HELZ: variants seen among roughly 807,000 people sequenced by gnomAD.
HELZ encodes the protein helicase with zinc finger.
Under a neutral mutation model 218.2 loss-of-function variants are expected in HELZ, and 23 were observed. The ratio of observed to expected loss-of-function variants is 0.11; its 90% CI spans 0.08 to 0.15. The LOEUF is 0.15. Among genes scored for constraint, HELZ ranks in the 10% least tolerant of loss-of-function variants. HELZ has a pLI of 1.00. For synonymous variants in HELZ, 814 were observed against 829.4 expected (o/e 0.98, Z 0.32); for missense variants, 1,813 against 2,353.7 (o/e 0.77, Z 4.75).
intron 5 of HELZ, among the ~76,000 whole-genome samples, chr17:67,206,126 A>G (rs144891095): frequency 5.6e-4 from 86 of 152,370 alleles, no homozygotes; most frequent in Admixed American, 3.4e-3. Flanking sequence ...TTGCCAAAAG[A>G]CATGACATTA....
At position 67,136,202 on chromosome 17, in the gene HELZ, C is replaced by G. The variant is rs2038144389; in HGVS notation, c.2954-4G>C. On this transcript the variant is annotated splice_polypyrimidine_tract_variant and splice_region_variant and intron_variant, in intron 22 of 32. Transcript: ENST00000358691. ...AACAAAACTCTGAATTGCTTTCCTACAAAGAAAATTTTTTAAGAAAAGACT... is the reference window on the plus strand; with the variant it reads ...AACAAAACTCTGAATTGCTTTCCTAGAAAGAAAATTTTTTAAGAAAAGACT... 1 of 1,588,198 alleles carries G rather than the reference C, an allele frequency of 6.3e-7. No individual in the cohort carries two copies. The highest frequency in any genetic ancestry group is 1.8e-5 in the Admixed American group (1 of 56,290).
intron 3 of HELZ, among the ~76,000 whole-genome samples, chr17:67,220,757 G>C (rs1250552610): frequency 6.6e-6 from 1 of 151,648 alleles, no homozygotes; most frequent in East Asian, 1.9e-4. Context: ...CAACCAAAGT[G>C]CTAGGATTAC....
chr17:67,213,973 G>A (rs978891323), intron 5 of HELZ, among the ~76,000 whole-genome samples: 4 of 152,144 alleles, frequency 2.6e-5, no homozygotes, highest in Non-Finnish European at 5.9e-5. Flanking sequence ...CGTATTATAA[G>A]CACTTATGTT....
intron 17 of HELZ, among the ~76,000 whole-genome samples, chr17:67,157,387 TAAG>T (rs2038875056): frequency 6.6e-6 from 1 of 152,218 alleles, no homozygotes; most frequent in African/African-American, 2.4e-5. Context: ...TTGAAGCTAG[TAAG>T]AATACAAAGC....
At chr17:67,171,040 T>G (rs914473955) in intron 13 of HELZ, among the ~76,000 whole-genome samples, 3 of 127,588 alleles carry the variant, frequency 2.4e-5, no homozygotes, top group African/African-American at 4.5e-5. Context: ...ATGTACAGTT[T>G]TTTTTTTTTT....
intron 27 of HELZ, among the ~76,000 whole-genome samples, chr17:67,119,187 G>A (rs1221111928): frequency 6.6e-6 from 1 of 152,056 alleles, no homozygotes; most frequent in Non-Finnish European, 1.5e-5. Flanking sequence ...ATAAAAACAT[G>A]TTCACATGTA....
chr17:67,134,852 C>A (rs1297756205), intron 23 of HELZ, among the ~76,000 whole-genome samples: 1 of 152,126 alleles, frequency 6.6e-6, no homozygotes. Flanking sequence ...TCAGGACTAC[C>A]TACATCTCTT....
chr17:67,200,089 T>A (rs748793798), intron 7 of HELZ, among the ~76,000 whole-genome samples: 18 of 152,192 alleles, frequency 1.2e-4, no homozygotes, highest in Non-Finnish European at 2.4e-4. Context: ...CAGTGCTGTA[T>A]CCCCAGCAAC....
At chr17:67,138,980 A>C (rs1261236923) in intron 21 of HELZ, among the ~76,000 whole-genome samples, 1 of 152,152 alleles carries the variant, frequency 6.6e-6, no homozygotes, top group Non-Finnish European at 1.5e-5. Context: ...AAAATATATA[A>C]GGCAAGCACA....
intron 31 of HELZ, among the ~76,000 whole-genome samples, chr17:67,097,741 C>T (rs2036793690): frequency 6.6e-6 from 1 of 151,942 alleles, no homozygotes; most frequent in African/African-American, 2.4e-5. Flanking sequence ...CACAACAGCT[C>T]TTACAATGAG....
chr17:67,171,478 C>T (rs1374241271), intron 13 of HELZ, among the ~76,000 whole-genome samples: 1 of 152,204 alleles, frequency 6.6e-6, no homozygotes, highest in African/African-American at 2.4e-5. Flanking sequence ...TCACACATCA[C>T]AGAATCACTG....
intron 20 of HELZ, among the ~76,000 whole-genome samples, chr17:67,146,978 C>T (rs2038517619): frequency 6.6e-6 from 1 of 152,056 alleles, no homozygotes; most frequent in African/African-American, 2.4e-5. Context: ...AGATATATAC[C>T]TTTATAGATG....
chr17:67,098,312 C>T lies in HELZ; in HGVS notation c.5241+8857G>A, dbSNP rs145362052. On this transcript the variant is annotated intron_variant, in intron 31 of 32. Coordinates refer to ENST00000358691, the MANE Select transcript of HELZ (RefSeq NM_014877.4). Reference sequence around the variant, plus strand: ...CAAGTCCTTTAATATCTTTGTGCCTCGGTTTCCTTTTAAAAGGGGGGAGTT... The same window carrying T: ...CAAGTCCTTTAATATCTTTGTGCCTTGGTTTCCTTTTAAAAGGGGGGAGTT... Among the ~76,000 whole-genome samples, 70 of 152,286 alleles carry T rather than the reference C, an allele frequency of 4.6e-4. 1 individual carries two copies. In the East Asian group the frequency reaches 0.013, roughly 27 times the overall value.
chr17:67,101,988 T>C (rs537482092), intron 31 of HELZ, among the ~76,000 whole-genome samples: 7 of 152,268 alleles, frequency 4.6e-5, no homozygotes, highest in South Asian at 2.1e-4. Context: ...CCATCACACC[T>C]GTAAGGACCG....
At position 67,136,546 on chromosome 17, in the gene HELZ, C is replaced by G. The variant is rs566921507; in HGVS notation, c.2954-348G>C. Among the ~76,000 whole-genome samples the G allele has an allele frequency of 3.9e-5, 6 of 152,260 alleles. No homozygotes were observed. The East Asian group carries it at 1.2e-3, about 29-fold the overall frequency. On this transcript the variant is annotated intron_variant, in intron 22 of 32. Transcript: ENST00000358691. ...CAATAGCCAAAAGGTGGAAGCAACA[C>G]GAGTATCCCTGGACAGAGGAATGGA...
intron 13 of HELZ, among the ~76,000 whole-genome samples, chr17:67,168,824 G>A (rs1178738422): frequency 2.6e-5 from 4 of 152,170 alleles, no homozygotes; most frequent in Non-Finnish European, 5.9e-5. Context: ...GGACATGGTG[G>A]CTCACGCCTG....
rs376897741 is a variant in HELZ at position 67,107,421 on chromosome 17, C to T, written c.4989G>A (p.Ser1663=). ...GAGGGGCAAGGTGTTCAGATGGCAA[C>T]GAGAAAGGTGAGTTGAATATCTGGG... is the stretch of plus-strand genomic sequence containing the variant. ...LPPQIFNSPF[S]LPSEHLAPPP... is the part of the protein sequence containing the mutation. The change falls in exon 31 of 33, where the codon TCG becomes TCA. Residue 1663 remains serine, a synonymous_variant. Coordinates refer to ENST00000358691, the MANE Select transcript of HELZ (RefSeq NM_014877.4). 1.8e-5 allele frequency: 29 copies of T among 1,613,904 alleles called. No individual in the cohort carries two copies. Among genetic ancestry groups the T allele is most frequent in the South Asian group, 2.2e-5 (2 of 91,068 alleles).
intron 3 of HELZ, among the ~76,000 whole-genome samples, chr17:67,235,886 G>T (rs146355033): frequency 0.016 from 2,410 of 148,954 alleles, 32 homozygotes; most frequent in Middle Eastern, 0.032. Flanking sequence ...TCAGACTCCC[G>T]AGTAGCTGGG....
At chr17:67,239,367 C>G (rs953208239) in intron 3 of HELZ, 66 bp downstream of exon 3, 5 of 152,262 alleles carry the variant, frequency 3.3e-5, no homozygotes, top group African/African-American at 1.2e-4. Context: ...TCACCCTTGT[C>G]CCACCTTATT....
Sources: allele counts gnomAD v4.1 joint callset (sites outside exome capture counted in the v4.1 genomes callset), GRCh38; gene constraint gnomAD v4.1.1; transcripts MANE v1.5; gene names NCBI Gene and HGNC (gene_info 2026-07-23, HGNC 2026-07-21).